The following GRIN2A variants were observed in gnomAD, a reference collection of about 807,000 sequenced individuals.
GRIN2A encodes glutamate ionotropic receptor NMDA type subunit 2A.
In GRIN2A, 22 loss-of-function variants were observed where a neutral mutation model predicts 113.4. That is an observed-to-expected ratio of 0.19 (90% CI 0.14 to 0.28). The LOEUF is 0.28. Ranked by LOEUF, GRIN2A falls within the 10% of genes least tolerant of loss-of-function variation. The pLI, the probability that GRIN2A is intolerant of heterozygous loss-of-function variation, is 1.00. For synonymous variants in GRIN2A, 827 were observed against 738.4 expected, an observed-to-expected ratio of 1.12 and a Z score of -1.94; for missense variants, 1,502 against 1,887.0, an observed-to-expected ratio of 0.80 and a Z score of 3.78.
chr16:10,161,974 C>A (rs1380572084), intron 2 of GRIN2A, among the ~76,000 whole-genome samples: 1 of 152,122 alleles, frequency 6.6e-6, no homozygotes, highest in East Asian at 1.9e-4. Context: ...TTTCAAGATC[C>A]TTAATTTAAT....
chr16:9,811,177 T>C (rs2042079777), intron 10 of GRIN2A, among the ~76,000 whole-genome samples: 1 of 152,148 alleles, frequency 6.6e-6, no homozygotes, highest in African/African-American at 2.4e-5. Flanking sequence ...ACTTCGCATC[T>C]CCTAACCCCA....
intron 2 of GRIN2A, among the ~76,000 whole-genome samples, chr16:10,046,851 C>G (rs978077076): frequency 5.3e-5 from 8 of 152,174 alleles, no homozygotes; most frequent in Non-Finnish European, 1.0e-4. Flanking sequence ...TATTCACCAC[C>G]CAACACTCAG....
chr16:9,899,579 G>A (rs1005998812), intron 3 of GRIN2A, among the ~76,000 whole-genome samples: 8 of 151,366 alleles, frequency 5.3e-5, no homozygotes, highest in Non-Finnish European at 1.0e-4. Context: ...GAAAAGTATT[G>A]TTTATTCTTT....
intron 3 of GRIN2A, among the ~76,000 whole-genome samples, chr16:9,914,904 G>GTTTTTTTTTTTT (rs2044212508): frequency 4.1e-5 from 2 of 48,692 alleles, no homozygotes; most frequent in African/African-American, 1.4e-4. Context: ...TGATTATGCA[G>GTTTTTTTTTTTT]CTTTTTTTTT....
At chr16:10,015,108 G>T (rs2046577937) in intron 2 of GRIN2A, among the ~76,000 whole-genome samples, 1 of 151,720 alleles carries the variant, frequency 6.6e-6, no homozygotes, top group Non-Finnish European at 1.5e-5. Context: ...ACAAAAATTA[G>T]CTGGGCATGG....
chr16:9,788,520 A>T (rs1181128029), intron 11 of GRIN2A, among the ~76,000 whole-genome samples: 1 of 151,760 alleles, frequency 6.6e-6, no homozygotes, highest in African/African-American at 2.4e-5. Flanking sequence ...GGCCTCCTAA[A>T]GTGCCGGGAT....
chr16:9,927,373 C>G (rs1415740446), intron 3 of GRIN2A, among the ~76,000 whole-genome samples: 1 of 152,118 alleles, frequency 6.6e-6, no homozygotes. Flanking sequence ...GGTACATGAC[C>G]TAATTTGGCC....
At chr16:10,104,083 G>A (rs181387180) in intron 2 of GRIN2A, among the ~76,000 whole-genome samples, 157 of 152,294 alleles carry the variant, frequency 1.0e-3, no homozygotes, top group Non-Finnish European at 1.5e-3. Context: ...TTTGTGAAGG[G>A]ACTGTGAAAA....
chr16:9,888,976 T>C (rs548297108), intron 4 of GRIN2A, among the ~76,000 whole-genome samples: 1 of 152,152 alleles, frequency 6.6e-6, no homozygotes, highest in Admixed American at 6.5e-5. Context: ...TTATCCTTTT[T>C]AAAATATATT....
At chr16:10,009,411 T>C (rs888157740) in intron 2 of GRIN2A, among the ~76,000 whole-genome samples, 11 of 152,008 alleles carry the variant, frequency 7.2e-5, no homozygotes, top group African/African-American at 2.4e-4. Context: ...AAGAGGTGAA[T>C]TTTTTCAATG....
intron 2 of GRIN2A, among the ~76,000 whole-genome samples, chr16:10,165,796 G>T (rs766050971): frequency 3.3e-4 from 48 of 145,652 alleles, no homozygotes; most frequent in Admixed American, 4.8e-4. Context: ...AGTGGAGAAG[G>T]GAGGGGAGGG....
Position 9,926,916 on chromosome 16 carries a change from A to T in GRIN2A, c.1007+11043T>A, listed in dbSNP as rs566103561. Among the ~76,000 whole-genome samples, 200 of 102,804 alleles carry T rather than the reference A, an allele frequency of 1.9e-3. 1 individual carries two copies. The highest frequency in any genetic ancestry group is 3.6e-3 in the Admixed American group (40 of 11,238). 67.4% of individuals were successfully genotyped at this position (102,804 alleles called of 152,430 possible). A position where few individuals can be genotyped will look rare whatever the true frequency, so the allele number is the denominator to read the frequency against. ...GACTTTACTTTTGGAAACAGGAAAA[A>T]CACTCTAAGTTTAAAAAAAAAAAAC... On this transcript the variant is annotated intron_variant, in intron 3 of 12. Transcript: ENST00000330684.
At chr16:10,179,289 G>A (rs2050211607) in intron 2 of GRIN2A, among the ~76,000 whole-genome samples, 1 of 152,142 alleles carries the variant, frequency 6.6e-6, no homozygotes, top group Admixed American at 6.5e-5. Context: ...TGGAGCCCCA[G>A]ACAAAGAACA....
intron 2 of GRIN2A, among the ~76,000 whole-genome samples, chr16:10,120,688 G>C (rs1326922863): frequency 1.3e-5 from 2 of 152,170 alleles, no homozygotes; most frequent in Non-Finnish European, 2.9e-5. Flanking sequence ...CTTCTCTCTG[G>C]AAGACACCTG....
At position 9,764,546 on chromosome 16, in the gene GRIN2A, C is replaced by T. The variant is rs1596377028; in HGVS notation, c.2998G>A (p.Val1000Met). Residue 1000 changes from valine to methionine, a missense_variant, in exon 13 of 13, where the codon GTG becomes ATG. Coordinates refer to ENST00000330684, the MANE Select transcript of GRIN2A (RefSeq NM_001134407.3). ...ESNPNTVEVA[V>M]STESKANSRP... is the part of the protein sequence containing the mutation. ...GAGTTCGCTTTGGATTCTGTGCTCA[C>T]GGCCACCTCCACCGTGTTAGGGTTG... 6 of 1,613,904 alleles carry T rather than the reference C, an allele frequency of 3.7e-6. No individual in the cohort carries two copies. The highest frequency in any genetic ancestry group is 4.5e-5 in the East Asian group (2 of 44,880).
chr16:10,156,025 C>T (rs1702265), intron 2 of GRIN2A, among the ~76,000 whole-genome samples: 99,729 of 152,026 alleles, frequency 0.66, 33,035 homozygotes, highest in East Asian at 0.92. Flanking sequence ...CAGAAATCCA[C>T]TTTAAGTGGT....
intron 11 of GRIN2A, among the ~76,000 whole-genome samples, chr16:9,789,610 G>A (rs1223078319): frequency 2.6e-5 from 4 of 151,816 alleles, no homozygotes; most frequent in Non-Finnish European, 4.4e-5. Flanking sequence ...ATAAATTAAG[G>A]AGGACGCTTT....
intron 2 of GRIN2A, among the ~76,000 whole-genome samples, chr16:10,153,495 G>C (rs556240044): frequency 1.7e-4 from 26 of 152,200 alleles, no homozygotes; most frequent in African/African-American, 6.0e-4. Flanking sequence ...AAGGAGAAAA[G>C]CTAATTTTCA....
intron 2 of GRIN2A, among the ~76,000 whole-genome samples, chr16:9,949,815 G>A (rs1010365206): frequency 6.6e-6 from 1 of 152,142 alleles, no homozygotes; most frequent in African/African-American, 2.4e-5. Context: ...TGAGTTGTGG[G>A]TATAAGAGAT....
Sources: gnomAD v4.1 joint callset for allele counts (sites outside exome capture counted in the v4.1 genomes callset) on GRCh38, gnomAD v4.1.1 for gene constraint, MANE v1.5 for transcripts, NCBI Gene and HGNC (gene_info 2026-07-23, HGNC 2026-07-21) for gene names.